Variants in CNTLN observed in about 807,000 individuals in gnomAD.
The protein encoded by CNTLN is centlein, also known as centlein, centrosomal protein.
CNTLN carries 212 observed loss-of-function variants against 180.0 expected under a neutral mutation model. The observed-to-expected ratio is 1.18, with a 90% CI of 1.05 to 1.32. CNTLN has a LOEUF of 1.32. CNTLN is among the 40% of genes most tolerant of loss of function. CNTLN has a pLI of 0.00. For synonymous variants in CNTLN, 722 were observed against 563.1 expected (o/e 1.28, Z -3.99); for missense variants, 2,095 against 1,610.9 (o/e 1.30, Z -5.14).
At chr9:17,509,021 A>G in the CNTLN span, among the ~76,000 whole-genome samples, 1 of 152,190 alleles carries the variant, frequency 6.6e-6, no homozygotes, top group East Asian at 1.9e-4. Flanking sequence ...AATCAAATTG[A>G]TAGGATAGGA....
intron 12 of CNTLN, among the ~76,000 whole-genome samples, chr9:17,350,648 A>T (rs755262132): frequency 6.6e-6 from 1 of 152,040 alleles, no homozygotes; most frequent in Non-Finnish European, 1.5e-5. Context: ...GAAATTCAAG[A>T]TCATGGTGCC....
intron 13 of CNTLN, among the ~76,000 whole-genome samples, chr9:17,378,730 C>G (rs369599165): frequency 6.6e-6 from 1 of 152,144 alleles, no homozygotes; most frequent in Admixed American, 6.5e-5. Flanking sequence ...CCACCAACTA[C>G]AGAGTGTTTT....
rs1245997345 is a variant in CNTLN at position 17,464,492 on chromosome 9, T to G, written c.3405-5T>G. The G allele has an allele frequency of 6.5e-7, 1 of 1,535,640 alleles. No individual in the cohort carries two copies. The highest frequency in any genetic ancestry group is 8.7e-7 in the Non-Finnish European group (1 of 1,151,446). ...ACTCTTGATGTCACCTTTTTTTTTT[T>G]CAAGGATATCTCGAATGGAGAGGGA... On this transcript the variant is annotated splice_polypyrimidine_tract_variant and splice_region_variant and intron_variant, in intron 20 of 25. Coordinates refer to ENST00000380647, the MANE Select transcript of CNTLN (RefSeq NM_017738.4).
chr9:17,394,599 T>C lies in CNTLN; in HGVS notation c.2145T>C (p.Asn715=), dbSNP rs1564066047. ...GGTCGAGAAAATTAAAAGAAGGGAA[T>C]AAAAAATTAATGAAAGAAAATGATT... ...EKRSRKLKEG[N]KKLMKENDFL... The change falls in exon 15 of 26, where the codon AAT becomes AAC. Residue 715 remains asparagine (N), a synonymous_variant. Coordinates refer to ENST00000380647, the MANE Select transcript of CNTLN (RefSeq NM_017738.4). 2.5e-6 allele frequency: 4 copies of C among 1,595,816 alleles called. No homozygotes were observed. The highest frequency in any genetic ancestry group is 3.4e-6 in the Non-Finnish European group (4 of 1,175,352).
chr9:17,205,865 G>T (rs1822884517), intron 2 of CNTLN, among the ~76,000 whole-genome samples: 1 of 152,174 alleles, frequency 6.6e-6, no homozygotes, highest in South Asian at 2.1e-4. Context: ...TCAGCAGGCA[G>T]ATCAACAGGC....
chr9:17,212,209 A>G, intron 2 of CNTLN, among the ~76,000 whole-genome samples: 1 of 152,132 alleles, frequency 6.6e-6, no homozygotes, highest in Middle Eastern at 3.2e-3. Flanking sequence ...AATAGCTCTT[A>G]TTATTTTGAG....
intron 25 of CNTLN, among the ~76,000 whole-genome samples, chr9:17,499,633 G>C (rs927225498): frequency 2.0e-5 from 3 of 152,100 alleles, no homozygotes; most frequent in African/African-American, 4.8e-5. Flanking sequence ...TAAATTGACA[G>C]TTACTTTAAA....
intron 6 of CNTLN, among the ~76,000 whole-genome samples, chr9:17,283,019 T>A (rs61847339): frequency 6.6e-6 from 1 of 152,292 alleles, no homozygotes; most frequent in Non-Finnish European, 1.5e-5. Context: ...AGTCCGGTAG[T>A]GTAATGCCAC....
At chr9:17,434,258 T>C (rs1309002929) in intron 18 of CNTLN, among the ~76,000 whole-genome samples, 1 of 152,056 alleles carries the variant, frequency 6.6e-6, no homozygotes, top group Non-Finnish European at 1.5e-5. Flanking sequence ...CTCTTATCTT[T>C]ATTAGTTCCT....
At position 17,327,211 on chromosome 9, in the gene CNTLN, A is replaced by AC. The variant is rs1409683669; in HGVS notation, c.1342-3419dup. Among the ~76,000 whole-genome samples, 4 of 126,728 alleles carry AC rather than the reference A, an allele frequency of 3.2e-5. No homozygotes were observed. The East Asian group carries it at 1.0e-3, about 33-fold the overall frequency. The allele number at this position is 126,728 out of a possible 152,430, so 83.1% of individuals were successfully genotyped here. On this transcript the variant is annotated intron_variant, in intron 8 of 25. Coordinates refer to ENST00000380647, the MANE Select transcript of CNTLN (RefSeq NM_017738.4). ...TTAAATGACAAAAATATAGTAGTTAACCTTTTTTTTTTTTTTTTTTGAGAT... is the reference window on the plus strand; with the variant it reads ...TTAAATGACAAAAATATAGTAGTTAACCCTTTTTTTTTTTTTTTTTTGAGAT...
chr9:17,236,866 C>G (rs187541801), intron 5 of CNTLN, among the ~76,000 whole-genome samples: 1 of 152,102 alleles, frequency 6.6e-6, no homozygotes, highest in East Asian at 1.9e-4. Flanking sequence ...TATTTAGAAT[C>G]ATTGGTTTTA....
chr9:17,166,117 G>A (rs1388043492), intron 2 of CNTLN, among the ~76,000 whole-genome samples: 1 of 152,112 alleles, frequency 6.6e-6, no homozygotes, highest in Non-Finnish European at 1.5e-5. Context: ...ACAGAGATAT[G>A]CTGAATAAAA....
intron 2 of CNTLN, among the ~76,000 whole-genome samples, chr9:17,181,062 G>C (rs925251913): frequency 1.3e-5 from 2 of 152,092 alleles, no homozygotes; most frequent in African/African-American, 4.8e-5. Context: ...GGTTTGTTCA[G>C]CTTCATGAAT....
chr9:17,145,121 G>A (rs1440016588), intron 2 of CNTLN, among the ~76,000 whole-genome samples: 1 of 150,038 alleles, frequency 6.7e-6, no homozygotes, highest in Non-Finnish European at 1.5e-5. Flanking sequence ...GATTACAGGC[G>A]TGAGCCACCG....
intron 3 of CNTLN, among the ~76,000 whole-genome samples, chr9:17,227,291 C>T (rs1214182735): frequency 1.3e-5 from 2 of 151,742 alleles, no homozygotes; most frequent in African/African-American, 4.8e-5. Flanking sequence ...TATGTATAAT[C>T]AGTAAATTAT....
At chr9:17,409,756 A>T (rs1053339213) in intron 16 of CNTLN, among the ~76,000 whole-genome samples, 2 of 152,136 alleles carry the variant, frequency 1.3e-5, no homozygotes, top group Non-Finnish European at 2.9e-5. Flanking sequence ...GGTATATGAA[A>T]TATTCCAAAT....
At chr9:17,513,591 G>T in the CNTLN span, among the ~76,000 whole-genome samples, 1 of 152,114 alleles carries the variant, frequency 6.6e-6, no homozygotes. Flanking sequence ...CAGCTATGCA[G>T]GAGGTTGAAG....
intron 2 of CNTLN, among the ~76,000 whole-genome samples, chr9:17,197,267 G>A (rs1173014261): frequency 2.0e-5 from 3 of 152,174 alleles, no homozygotes; most frequent in Non-Finnish European, 2.9e-5. Flanking sequence ...GTATACAAGA[G>A]TTCCCTTTTC....
intron 2 of CNTLN, among the ~76,000 whole-genome samples, chr9:17,157,983 A>G (rs1041310458): frequency 6.6e-6 from 1 of 152,234 alleles, no homozygotes; most frequent in African/African-American, 2.4e-5. Flanking sequence ...CTATGTATGT[A>G]AGATATATGT....
Sources: allele counts gnomAD v4.1 joint callset (sites outside exome capture counted in the v4.1 genomes callset), GRCh38; gene constraint gnomAD v4.1.1; transcripts MANE v1.5; gene names NCBI Gene and HGNC (gene_info 2026-07-23, HGNC 2026-07-21).